DYNC2I2: variants seen among roughly 807,000 people sequenced by gnomAD.
DYNC2I2 encodes cytoplasmic dynein 2 intermediate chain 2.
A neutral mutation model predicts 52.0 loss-of-function variants in DYNC2I2; 39 were observed. That is an observed-to-expected ratio of 0.75 (90% confidence interval 0.58 to 0.98). DYNC2I2 has a LOEUF of 0.98. Among genes scored for constraint, DYNC2I2 ranks in the 50% least tolerant of loss-of-function variants. The probability of loss-of-function intolerance (pLI) is 0.00; values close to 1 mark genes in which losing one functional copy is unlikely to be tolerated. For missense variants in DYNC2I2, 743 were observed against 728.4 expected, an observed-to-expected ratio of 1.02 and a Z score of -0.23; for synonymous variants, 359 against 321.1, an observed-to-expected ratio of 1.12 and a Z score of -1.26.
At chr9:128,675,177 T>A in the DYNC2I2 span, among the ~76,000 whole-genome samples, 21 of 152,034 alleles carry the variant, frequency 1.4e-4, no homozygotes, top group African/African-American at 5.1e-4. Context: ...TTTATTTATT[T>A]TTTATTTATT....
chr9:128,655,191 G>A (rs1230778578), intron 1 of DYNC2I2, among the ~76,000 whole-genome samples: 2 of 151,716 alleles, frequency 1.3e-5, no homozygotes, highest in East Asian at 1.9e-4. Context: ...AATTTACAAT[G>A]CAGTTTGGTC....
At chr9:128,661,858 A>G in the DYNC2I2 span, among the ~76,000 whole-genome samples, 2 of 152,022 alleles carry the variant, frequency 1.3e-5, no homozygotes, top group Admixed American at 1.3e-4. Flanking sequence ...CCTAGCCAAC[A>G]TGGTGAAACC....
chr9:128,680,011 C>T, the DYNC2I2 span, among the ~76,000 whole-genome samples: 2 of 152,104 alleles, frequency 1.3e-5, no homozygotes, highest in Non-Finnish European at 2.9e-5. Context: ...AGACTCTGGA[C>T]TTCTAATAGT....
At chr9:128,647,960 G>T (rs1180524552) in intron 1 of DYNC2I2, among the ~76,000 whole-genome samples, 1 of 152,168 alleles carries the variant, frequency 6.6e-6, no homozygotes, top group African/African-American at 2.4e-5. Context: ...CAGAACATCA[G>T]CACTCCTGCC....
chr9:128,634,407 G>A (rs1444037337), intron 7 of DYNC2I2, 24 bp from the exon 8 acceptor site: 4 of 1,557,356 alleles, frequency 2.6e-6, no homozygotes, highest in Admixed American at 1.9e-5. Context: ...AGGGGGCCAG[G>A]CAAGGGAATC....
intron 1 of DYNC2I2, among the ~76,000 whole-genome samples, chr9:128,652,432 C>CAAAAAA (rs59498068): frequency 1.1e-5 from 1 of 92,884 alleles, no homozygotes; most frequent in Non-Finnish European, 2.2e-5. Context: ...AACTTCATCT[C>CAAAAAA]AAAAAAAAAA....
chr9:128,648,831 G>A (rs559947945), intron 1 of DYNC2I2, among the ~76,000 whole-genome samples: 5 of 151,290 alleles, frequency 3.3e-5, no homozygotes, highest in Non-Finnish European at 5.9e-5. Context: ...AGAATCTGCT[G>A]GGCCAGAAGC....
At chr9:128,677,231 A>G in the DYNC2I2 span, among the ~76,000 whole-genome samples, 2 of 144,634 alleles carry the variant, frequency 1.4e-5, no homozygotes, top group Non-Finnish European at 3.0e-5. Context: ...AAAAAAAAAA[A>G]GAAAGAAAAA....
chr9:128,666,579 T>C, the DYNC2I2 span, among the ~76,000 whole-genome samples: 1 of 151,874 alleles, frequency 6.6e-6, no homozygotes, highest in African/African-American at 2.4e-5. Flanking sequence ...CTGACCAACA[T>C]GATGAAACCC....
rs779767013 is a variant in DYNC2I2 at position 128,634,783 on chromosome 9, T to G, written c.1120A>C (p.Met374Leu). The change falls in exon 7 of 9, where the codon ATG (methionine) becomes CTG (leucine). Residue 374 changes from methionine to leucine, a missense_variant. Coordinates refer to ENST00000372715, the MANE Select transcript of DYNC2I2 (RefSeq NM_052844.4). ...GCCCGCAGGGGCACGGAGCTGGGCA[T>G]CCGCGTGAGGGCTGCCTCTCCAGCT... ...LAAGEAALTR[M>L]PSSVPLRAPA... The G allele has an allele frequency of 2.0e-5, 32 of 1,610,608 alleles. No individual in the cohort carries two copies. The highest frequency in any genetic ancestry group is 2.6e-5 in the Non-Finnish European group (31 of 1,178,866).
At position 128,633,704 on chromosome 9, in the gene DYNC2I2, C is replaced by A; in HGVS notation, c.*40G>T. The A allele has an allele frequency of 1.3e-6, 2 of 1,581,602 alleles. No homozygotes were observed. The highest frequency in any genetic ancestry group is 2.3e-5 in the South Asian group (2 of 88,320). On this transcript the variant is annotated 3_prime_UTR_variant, in exon 9 of 9. Transcript: ENST00000372715. Reference sequence around the variant, plus strand: ...TTTGGCTTGCGTCAGAAACACAAGGCTCGGCACAGCGAAGGCTTGCACCCG... The same window carrying A: ...TTTGGCTTGCGTCAGAAACACAAGGATCGGCACAGCGAAGGCTTGCACCCG...
In DYNC2I2 at chr9:128,641,864, T is replaced by C. The variant is rs537290165; in HGVS notation, c.187-925A>G. ...CACAGGCCACTCAGTTCTCTCTGCTTGTCTGTGTCCTACTGAACCGCCAGC... is the reference window on the plus strand; with the variant it reads ...CACAGGCCACTCAGTTCTCTCTGCTCGTCTGTGTCCTACTGAACCGCCAGC... On this transcript the variant is annotated intron_variant, in intron 1 of 8. Coordinates refer to ENST00000372715, the MANE Select transcript of DYNC2I2 (RefSeq NM_052844.4). Among the ~76,000 whole-genome samples the C allele has an allele frequency of 5.7e-4, 86 of 152,110 alleles. 2 individuals are homozygous for C. The highest frequency in any genetic ancestry group is 2.0e-3 in the African/African-American group (84 of 41,520).
In DYNC2I2 at chr9:128,656,754, C is replaced by T. The variant is rs1294636383; in HGVS notation, c.-28G>A. 7.5e-7 allele frequency: 1 copy of T among 1,331,902 alleles called. No homozygotes were observed. The highest frequency in any genetic ancestry group is 9.6e-7 in the Non-Finnish European group (1 of 1,040,330). 82.5% of individuals were successfully genotyped at this position (1,331,902 alleles called of 1,614,324 possible). The stretch of plus-strand genomic sequence containing the variant: ...AGACGGTTCCGCCCTCTCGTGCGGA[C>T]GCACTCAGGCGCGACCTCCGCCCCT... On this transcript the variant is annotated 5_prime_UTR_variant, in exon 1 of 9. Transcript: ENST00000372715.
chr9:128,653,648 G>A (rs184373425), intron 1 of DYNC2I2, among the ~76,000 whole-genome samples: 10 of 150,742 alleles, frequency 6.6e-5, no homozygotes, highest in Admixed American at 4.6e-4. Flanking sequence ...GCCGGGAGGC[G>A]GAAGTTGCAG....
chr9:128,634,181 C>T (rs1006640395), intron 8 of DYNC2I2, 45 bp downstream of exon 8: 4 of 1,609,362 alleles, frequency 2.5e-6, no homozygotes, highest in Non-Finnish European at 3.4e-6. Context: ...AGGGCCCAGA[C>T]CACCCACCCC....
chr9:128,646,908 C>CCT (rs1860626850), intron 1 of DYNC2I2, among the ~76,000 whole-genome samples: 1 of 152,172 alleles, frequency 6.6e-6, no homozygotes, highest in Non-Finnish European at 1.5e-5. Flanking sequence ...AGGTGGATCA[C>CCT]GAGGACAGGA....
chr9:128,659,105 A>T (rs1860888096), upstream of DYNC2I2, among the ~76,000 whole-genome samples: 1 of 151,182 alleles, frequency 6.6e-6, no homozygotes, highest in Admixed American at 6.6e-5. Context: ...CCCTCTCTCC[A>T]CCCCATGGCC....
intron 3 of DYNC2I2, 124 bp from the exon 4 acceptor site, chr9:128,636,562 G>T: frequency 1.7e-6 from 2 of 1,163,598 alleles, no homozygotes; most frequent in Non-Finnish European, 2.4e-6. Context: ...ACACTACTCT[G>T]GGTATTGAAG....
chr9:128,680,385 TATA>T, the DYNC2I2 span, among the ~76,000 whole-genome samples: 2 of 147,872 alleles, frequency 1.4e-5, no homozygotes, highest in Non-Finnish European at 3.0e-5. Context: ...TTATTATTAT[TATA>T]TTTTTTTGAG....
Sources: allele counts gnomAD v4.1 joint callset (sites outside exome capture counted in the v4.1 genomes callset), GRCh38; gene constraint gnomAD v4.1.1; transcripts MANE v1.5; gene names NCBI Gene and HGNC (gene_info 2026-07-23, HGNC 2026-07-21).